TNNI3K: variants seen among roughly 807,000 people sequenced by gnomAD.
TNNI3K encodes TNNI3 interacting kinase, also known as serine/threonine-protein kinase TNNI3K.
A neutral mutation model predicts 114.5 loss-of-function variants in TNNI3K; 140 were observed. The ratio of observed to expected loss-of-function variants is 1.22; its 90% CI spans 1.07 to 1.41. The LOEUF (loss-of-function observed/expected upper bound fraction) is 1.41, where lower values mean the gene tolerates loss of function less well. TNNI3K is among the 40% of genes most tolerant of loss of function. The pLI, the probability that TNNI3K is intolerant of heterozygous loss-of-function variation, is 0.00. For synonymous variants in TNNI3K, 347 were observed against 347.5 expected, an observed-to-expected ratio of 1.00 and a Z score of 0.02; for missense variants, 1,125 against 1,007.6, an observed-to-expected ratio of 1.12 and a Z score of -1.58.
intron 21 of TNNI3K, chr1:74,475,653 G>A: frequency 1.4e-6 from 1 of 717,052 alleles, no homozygotes; most frequent in South Asian, 1.5e-5. Flanking sequence ...AGTGGCAGTT[G>A]CAGTATCCCT....
At chr1:74,247,545 TGCTGATTGGTCCGTTTTACAGAGA>T (rs1331869484) in intron 2 of TNNI3K, among the ~76,000 whole-genome samples, 12 of 152,206 alleles carry the variant, frequency 7.9e-5, no homozygotes, top group South Asian at 2.1e-4. Context: ...ACCCACATCC[TGCTGATTGGTCCGTTTTACAGAGA>T]GCTGATTGGT....
At chr1:74,426,438 T>A (rs1022503685) in intron 17 of TNNI3K, among the ~76,000 whole-genome samples, 1 of 152,006 alleles carries the variant, frequency 6.6e-6, no homozygotes, top group Non-Finnish European at 1.5e-5. Flanking sequence ...GAAAACCTTG[T>A]TCGTTGATAA....
chr1:74,355,983 C>T (rs1661634812), intron 11 of TNNI3K, among the ~76,000 whole-genome samples: 1 of 152,130 alleles, frequency 6.6e-6, no homozygotes. Flanking sequence ...TCACCCAGCA[C>T]CCAAATGAAG....
intron 5 of TNNI3K, among the ~76,000 whole-genome samples, chr1:74,276,152 T>C (rs745469407): frequency 2.6e-5 from 4 of 152,118 alleles, no homozygotes; most frequent in Admixed American, 6.6e-5. Context: ...CACATGTTGA[T>C]TTTCTGATGA....
intron 5 of TNNI3K, among the ~76,000 whole-genome samples, chr1:74,277,562 G>A (rs1387742143): frequency 6.6e-6 from 1 of 152,050 alleles, no homozygotes; most frequent in African/African-American, 2.4e-5. Flanking sequence ...TATAATGTAG[G>A]TATATGAGCA....
intron 4 of TNNI3K, among the ~76,000 whole-genome samples, chr1:74,268,863 A>G (rs1349957416): frequency 6.6e-6 from 1 of 151,764 alleles, no homozygotes; most frequent in Non-Finnish European, 1.5e-5. Context: ...CTATCTCTCT[A>G]TCATTAATTT....
At chr1:74,428,175 T>C (rs1665724585) in intron 17 of TNNI3K, among the ~76,000 whole-genome samples, 1 of 152,098 alleles carries the variant, frequency 6.6e-6, no homozygotes, top group Non-Finnish European at 1.5e-5. Flanking sequence ...TCACTGAAAT[T>C]AGGCTTTCCA....
intron 4 of TNNI3K, among the ~76,000 whole-genome samples, chr1:74,253,609 G>T (rs993146919): frequency 6.6e-6 from 1 of 152,108 alleles, no homozygotes; most frequent in Non-Finnish European, 1.5e-5. Flanking sequence ...ACTGCCCGGA[G>T]CCGGCAGGAC....
chr1:74,371,232 A>G (rs1341575), intron 17 of TNNI3K: 90,545 of 151,668 alleles, frequency 0.6, 30,450 homozygotes, highest in East Asian at 0.82. Flanking sequence ...AAGCTAGTAA[A>G]TATTGATTAC....
At chr1:74,446,456 G>A (rs1416459499) in intron 20 of TNNI3K, among the ~76,000 whole-genome samples, 2 of 149,526 alleles carry the variant, frequency 1.3e-5, no homozygotes, top group Non-Finnish European at 3.0e-5. Context: ...TGTCAGATGA[G>A]TAGGTTGCGA....
chr1:74,253,417 G>A (rs1414458141), intron 4 of TNNI3K, among the ~76,000 whole-genome samples: 1 of 152,146 alleles, frequency 6.6e-6, no homozygotes, highest in Admixed American at 6.5e-5. Flanking sequence ...GCTCGGCCAT[G>A]CAAGAGCCCA....
intron 22 of TNNI3K, among the ~76,000 whole-genome samples, chr1:74,489,684 T>C (rs1316569922): frequency 6.6e-6 from 1 of 152,192 alleles, no homozygotes; most frequent in Admixed American, 6.5e-5. Context: ...TGCATTGCTT[T>C]CACACCACAT....
At chr1:74,285,719 C>G (rs1253745160) in intron 5 of TNNI3K, among the ~76,000 whole-genome samples, 5 of 152,120 alleles carry the variant, frequency 3.3e-5, no homozygotes, top group African/African-American at 1.2e-4. Context: ...AATGACTAAA[C>G]TAATAATTAT....
At chr1:74,450,338 G>T (rs940250932) in intron 20 of TNNI3K, among the ~76,000 whole-genome samples, 3 of 151,652 alleles carry the variant, frequency 2.0e-5, no homozygotes, top group Non-Finnish European at 4.4e-5. Flanking sequence ...ACATCACAAT[G>T]AAAAGAACTA....
intron 17 of TNNI3K, among the ~76,000 whole-genome samples, chr1:74,421,261 A>C (rs1665381194): frequency 6.6e-6 from 1 of 152,124 alleles, no homozygotes; most frequent in Admixed American, 6.6e-5. Flanking sequence ...CTGACTTCTA[A>C]TTGCGAAGAT....
At chr1:74,263,112 T>G (rs1655775735) in intron 4 of TNNI3K, among the ~76,000 whole-genome samples, 1 of 152,044 alleles carries the variant, frequency 6.6e-6, no homozygotes, top group Admixed American at 6.6e-5. Context: ...CTGTGGTAAC[T>G]TAGAAAACAT....
At chr1:74,299,885 G>A (rs1157211980) in intron 5 of TNNI3K, among the ~76,000 whole-genome samples, 2 of 152,094 alleles carry the variant, frequency 1.3e-5, no homozygotes, top group South Asian at 4.2e-4. Context: ...CATTGTATTA[G>A]CTAAATTATT....
At chr1:74,297,977 A>G (rs751240231) in intron 5 of TNNI3K, among the ~76,000 whole-genome samples, 2 of 152,002 alleles carry the variant, frequency 1.3e-5, no homozygotes, top group Non-Finnish European at 2.9e-5. Context: ...ACTATAATTT[A>G]TTTACTTTAA....
intron 20 of TNNI3K, among the ~76,000 whole-genome samples, chr1:74,457,477 A>T (rs1667273537): frequency 6.6e-6 from 1 of 152,176 alleles, no homozygotes; most frequent in African/African-American, 2.4e-5. Flanking sequence ...TCAGTTTAAC[A>T]AAGAATGTGT....
Sources: gnomAD v4.1 joint callset for allele counts (sites outside exome capture counted in the v4.1 genomes callset) on GRCh38, gnomAD v4.1.1 for gene constraint, MANE v1.5 for transcripts, NCBI Gene and HGNC (gene_info 2026-07-23, HGNC 2026-07-21) for gene names.